The following PHF24 variants were observed in gnomAD, a reference collection of about 807,000 sequenced individuals.
PHF24 encodes Galpha inhibitory interacting protein.
PHF24 carries 25 observed loss-of-function variants against 42.6 expected under a neutral mutation model. That is an observed-to-expected ratio of 0.59 (90% CI 0.43 to 0.82). PHF24 has a LOEUF of 0.82. Among genes scored for constraint, PHF24 ranks in the 40% least tolerant of loss-of-function variants. The pLI, the probability that PHF24 is intolerant of heterozygous loss-of-function variation, is 0.00. For synonymous variants in PHF24, 185 were observed against 204.8 expected (o/e 0.90, Z 0.83); for missense variants, 470 against 538.1 (o/e 0.87, Z 1.25).
chr9:34,936,654 A>C, the PHF24 span, among the ~76,000 whole-genome samples: 1 of 144,418 alleles, frequency 6.9e-6, no homozygotes. Flanking sequence ...CATCCCATCT[A>C]GGAAGTGAGG....
the PHF24 span, among the ~76,000 whole-genome samples, chr9:34,671,625 AT>A: frequency 6.6e-6 from 1 of 152,076 alleles, no homozygotes; most frequent in Non-Finnish European, 1.5e-5. Flanking sequence ...TTATCTCAAG[AT>A]TTTGCATTCC....
chr9:34,669,464 A>C, the PHF24 span, among the ~76,000 whole-genome samples: 2 of 151,872 alleles, frequency 1.3e-5, no homozygotes, highest in Non-Finnish European at 2.9e-5. Flanking sequence ...GAGATGGACA[A>C]ATGAGGAGAG....
chr9:34,680,471 G>A, the PHF24 span, among the ~76,000 whole-genome samples: 1 of 151,600 alleles, frequency 6.6e-6, no homozygotes, highest in Non-Finnish European at 1.5e-5. Context: ...GGTGGATCAC[G>A]AGGTCAGGAG....
chr9:34,915,026 CTTTTTTTT>C, the PHF24 span, among the ~76,000 whole-genome samples: 32 of 37,456 alleles, frequency 8.5e-4, no homozygotes, highest in South Asian at 5.0e-3. Flanking sequence ...TTTTTCTTTT[CTTTTTTTT>C]TTTTTTTTTT....
chr9:34,904,136 G>A, the PHF24 span, among the ~76,000 whole-genome samples: 2 of 152,098 alleles, frequency 1.3e-5, no homozygotes, highest in Non-Finnish European at 2.9e-5. Flanking sequence ...AACAGTGAAG[G>A]GTTTTCAAGG....
chr9:34,873,505 A>T, the PHF24 span, among the ~76,000 whole-genome samples: 3 of 151,624 alleles, frequency 2.0e-5, no homozygotes, highest in African/African-American at 7.3e-5. Flanking sequence ...GTCAAAGATC[A>T]GATGGTTGTA....
the PHF24 span, chr9:34,922,504 C>A: frequency 1.7e-6 from 2 of 1,193,262 alleles, no homozygotes; most frequent in East Asian, 2.3e-5. Flanking sequence ...TCCACAGTCC[C>A]TTTCTTATCA....
the PHF24 span, among the ~76,000 whole-genome samples, chr9:34,785,670 T>C: frequency 2.6e-5 from 4 of 152,320 alleles, no homozygotes; most frequent in East Asian, 3.9e-4. Flanking sequence ...GCTTATAGTC[T>C]GCCACCAAGT....
chr9:34,677,307 T>C, the PHF24 span, among the ~76,000 whole-genome samples: 1 of 151,900 alleles, frequency 6.6e-6, no homozygotes, highest in South Asian at 2.1e-4. Flanking sequence ...ATCTCTTTCC[T>C]AGACTACTGG....
chr9:34,888,934 T>A, the PHF24 span: 1 of 396,686 alleles, frequency 2.5e-6, no homozygotes, highest in Non-Finnish European at 4.4e-6. Flanking sequence ...AGGAGTCATG[T>A]GGAATGCTGA....
chr9:34,738,874 G>A, the PHF24 span, among the ~76,000 whole-genome samples: 1 of 152,192 alleles, frequency 6.6e-6, no homozygotes, highest in Non-Finnish European at 1.5e-5. Flanking sequence ...GTCCTGAGGT[G>A]ATGGGCCAGA....
chr9:34,906,980 C>A, the PHF24 span, among the ~76,000 whole-genome samples: 10 of 152,272 alleles, frequency 6.6e-5, no homozygotes, highest in South Asian at 1.7e-3. Flanking sequence ...AGCACCACCC[C>A]ACCCCTCTAA....
the PHF24 span, among the ~76,000 whole-genome samples, chr9:34,730,410 G>A: frequency 9.8e-6 from 1 of 102,262 alleles, no homozygotes; most frequent in African/African-American, 2.6e-5. Flanking sequence ...TCTGGTAATG[G>A]TGGTCTCAGG....
the PHF24 span, among the ~76,000 whole-genome samples, chr9:34,673,271 T>C: frequency 6.7e-6 from 1 of 149,074 alleles, no homozygotes; most frequent in Non-Finnish European, 1.5e-5. Flanking sequence ...AGGAGGATTC[T>C]CTAACCTGGG....
At chr9:34,685,694 G>A in the PHF24 span, among the ~76,000 whole-genome samples, 7 of 152,236 alleles carry the variant, frequency 4.6e-5, no homozygotes, top group African/African-American at 1.7e-4. Flanking sequence ...ACATAGAATG[G>A]TACTAATGAT....
the PHF24 span, among the ~76,000 whole-genome samples, chr9:34,756,545 G>A: frequency 6.6e-6 from 1 of 152,002 alleles, no homozygotes; most frequent in Admixed American, 6.6e-5. Flanking sequence ...TTATTTCTTG[G>A]TTCTCTAGTC....
At chr9:34,865,425 G>T in the PHF24 span, among the ~76,000 whole-genome samples, 1 of 151,796 alleles carries the variant, frequency 6.6e-6, no homozygotes, top group Non-Finnish European at 1.5e-5. Flanking sequence ...TTAGCCAGGT[G>T]TGGTGGTGGG....
the PHF24 span, chr9:34,726,536 T>C: frequency 1.3e-6 from 2 of 1,551,848 alleles, no homozygotes; most frequent in South Asian, 1.2e-5. Flanking sequence ...CGTCATCTCC[T>C]CCTGGTTCAG....
the PHF24 span, among the ~76,000 whole-genome samples, chr9:34,856,435 G>A: frequency 6.6e-6 from 1 of 152,152 alleles, no homozygotes; most frequent in East Asian, 1.9e-4. Flanking sequence ...TGAGTTTGCT[G>A]ACCTTTAAGT....
Sources: allele counts gnomAD v4.1 joint callset (sites outside exome capture counted in the v4.1 genomes callset), GRCh38; gene constraint gnomAD v4.1.1; transcripts MANE v1.5; gene names NCBI Gene and HGNC (gene_info 2026-07-23, HGNC 2026-07-21).